SYT1: variants seen among roughly 807,000 people sequenced by gnomAD.
SYT1 encodes synaptotagmin 1, also known as synaptotagmin-1.
In SYT1, 8 loss-of-function variants were observed where a neutral mutation model predicts 44.8. That is an observed-to-expected ratio of 0.18 (90% CI 0.10 to 0.32). The LOEUF (loss-of-function observed/expected upper bound fraction) is 0.32, where lower values mean the gene tolerates loss of function less well. SYT1 is among the 10% of genes least tolerant of loss of function. The pLI is 1.00. For synonymous variants in SYT1, 154 were observed against 188.8 expected (o/e 0.82, Z 1.51); for missense variants, 286 against 509.3 (o/e 0.56, Z 4.22).
At chr12:79,060,457 C>G (rs1875296694) in intron 3 of SYT1, among the ~76,000 whole-genome samples, 1 of 151,996 alleles carries the variant, frequency 6.6e-6, no homozygotes, top group Admixed American at 6.6e-5. Flanking sequence ...AAACTCCGTA[C>G]ATATTAAACA....
intron 3 of SYT1, among the ~76,000 whole-genome samples, chr12:79,075,230 C>T (rs953543711): frequency 3.3e-5 from 5 of 152,192 alleles, no homozygotes; most frequent in African/African-American, 1.2e-4. Flanking sequence ...CTTCAAGGCT[C>T]TTGAATTTCA....
At chr12:78,914,074 T>G (rs1464761963) in intron 1 of SYT1, among the ~76,000 whole-genome samples, 1 of 147,238 alleles carries the variant, frequency 6.8e-6, no homozygotes, top group Non-Finnish European at 1.5e-5. Context: ...ATAGGTAAAT[T>G]TATCAAAATA....
At chr12:79,138,651 G>T (rs1869354395) in intron 3 of SYT1, among the ~76,000 whole-genome samples, 1 of 152,192 alleles carries the variant, frequency 6.6e-6, no homozygotes, top group Non-Finnish European at 1.5e-5. Flanking sequence ...ATTTGTGTGT[G>T]TGTGCATGTG....
intron 1 of SYT1, among the ~76,000 whole-genome samples, chr12:78,887,942 A>G (rs1015380796): frequency 2.0e-5 from 3 of 151,904 alleles, no homozygotes; most frequent in Non-Finnish European, 4.4e-5. Context: ...AAAACCAACT[A>G]ACTGAATTTT....
chr12:79,446,054 A>C (rs1870721784), intron 10 of SYT1, among the ~76,000 whole-genome samples: 1 of 107,974 alleles, frequency 9.3e-6, no homozygotes, highest in Non-Finnish European at 1.9e-5. Flanking sequence ...GTCCAAGTTA[A>C]CCACTTTATG....
chr12:79,203,953 C>T (rs1873946203), intron 3 of SYT1, among the ~76,000 whole-genome samples: 1 of 152,186 alleles, frequency 6.6e-6, no homozygotes, highest in Non-Finnish European at 1.5e-5. Flanking sequence ...TAATGTTGGA[C>T]ACATTGTAGA....
intron 1 of SYT1, among the ~76,000 whole-genome samples, chr12:78,915,076 C>T (rs1248410518): frequency 7.7e-6 from 1 of 130,666 alleles, no homozygotes; most frequent in African/African-American, 3.1e-5. Flanking sequence ...AGCTATTGAA[C>T]GTTTTAAAAT....
chr12:78,880,740 T>C, intron 1 of SYT1, among the ~76,000 whole-genome samples: 1 of 151,698 alleles, frequency 6.6e-6, no homozygotes, highest in Admixed American at 6.6e-5. Flanking sequence ...AATTTTCTTT[T>C]TTTTTGTAGA....
chr12:79,421,006 CT>C (rs1454652347), intron 9 of SYT1, among the ~76,000 whole-genome samples: 11 of 152,162 alleles, frequency 7.2e-5, no homozygotes, highest in African/African-American at 2.6e-4. Context: ...AGATGCTTTC[CT>C]TTAAACAAAG....
chr12:79,367,408 T>A (rs1467879174), intron 9 of SYT1, among the ~76,000 whole-genome samples: 1 of 152,210 alleles, frequency 6.6e-6, no homozygotes, highest in East Asian at 1.9e-4. Flanking sequence ...CAAATAATTT[T>A]GCCCCAGGTA....
intron 8 of SYT1, among the ~76,000 whole-genome samples, chr12:79,322,596 G>A (rs1011142130): frequency 6.6e-6 from 1 of 152,030 alleles, no homozygotes; most frequent in African/African-American, 2.4e-5. Context: ...TTGGAACCCA[G>A]CCCCGTATTT....
rs77040496 is a variant in SYT1, at chr12:79,154,913, C to T, written c.-17-62590C>T. Among the ~76,000 whole-genome samples the T allele has an allele frequency of 7.0e-3, 1,063 of 152,144 alleles. 9 individuals carry two copies. Among genetic ancestry groups the T allele is most frequent in the Middle Eastern group, 0.031 (9 of 294 alleles). ...GGTGCTTATTACTGAATACATCTACCAAGAAACATATGAAAGAGCCAGGAA... is the reference window on the plus strand; with the variant it reads ...GGTGCTTATTACTGAATACATCTACTAAGAAACATATGAAAGAGCCAGGAA... On this transcript the variant is annotated intron_variant, in intron 3 of 10. Transcript: ENST00000261205.
intron 1 of SYT1, among the ~76,000 whole-genome samples, chr12:78,877,245 T>A (rs1874222587): frequency 6.6e-6 from 1 of 151,368 alleles, no homozygotes; most frequent in Non-Finnish European, 1.5e-5. Flanking sequence ...ATGTCCTATG[T>A]GGCGGTAGGC....
chr12:79,295,969 G>A, intron 6 of SYT1, 100 bp from the exon 7 acceptor site: 1 of 1,267,516 alleles, frequency 7.9e-7, no homozygotes, highest in Non-Finnish European at 1.1e-6. Flanking sequence ...AAATAAATAG[G>A]AAGAGGGAGA....
chr12:79,287,173 T>C (rs1420678895), intron 5 of SYT1, among the ~76,000 whole-genome samples: 1 of 152,162 alleles, frequency 6.6e-6, no homozygotes, highest in Non-Finnish European at 1.5e-5. Context: ...AAGGCTCATG[T>C]TTTACTCCCT....
intron 3 of SYT1, among the ~76,000 whole-genome samples, chr12:79,189,303 T>G (rs1872977510): frequency 6.6e-6 from 1 of 152,180 alleles, no homozygotes; most frequent in South Asian, 2.1e-4. Flanking sequence ...TTTAATTTCC[T>G]TACTGTAACA....
chr12:79,161,926 T>C (rs889401290), intron 3 of SYT1, among the ~76,000 whole-genome samples: 2 of 152,156 alleles, frequency 1.3e-5, no homozygotes, highest in Admixed American at 6.6e-5. Flanking sequence ...TAAGGATATC[T>C]GGAATTGTAT....
At chr12:78,963,940 T>A (rs1879642363) in intron 1 of SYT1, 1 of 152,338 alleles carries the variant, frequency 6.6e-6, no homozygotes, top group East Asian at 1.9e-4. Flanking sequence ...GACAGATGAA[T>A]ACATTTTTTA....
chr12:78,988,872 G>T (rs1196824390), intron 2 of SYT1, among the ~76,000 whole-genome samples: 1 of 152,128 alleles, frequency 6.6e-6, no homozygotes, highest in Admixed American at 6.6e-5. Context: ...TATCAAGAGT[G>T]CAGGCAGATA....
Sources: gnomAD v4.1 joint callset for allele counts (sites outside exome capture counted in the v4.1 genomes callset) on GRCh38, gnomAD v4.1.1 for gene constraint, MANE v1.5 for transcripts, NCBI Gene and HGNC (gene_info 2026-07-23, HGNC 2026-07-21) for gene names.